The following DCDC1 variants were observed in gnomAD, a reference collection of about 807,000 sequenced individuals.
The protein encoded by DCDC1 is doublecortin domain-containing protein 1.
Under a neutral mutation model 178.3 loss-of-function variants are expected in DCDC1, and 200 were observed. The ratio of observed to expected loss-of-function variants is 1.12; its 90% CI spans 1.00 to 1.26. DCDC1 has a LOEUF of 1.26. Ranked by LOEUF, DCDC1 falls within the 50% of genes most tolerant of loss-of-function variation. The pLI is 0.00. For synonymous variants in DCDC1, 690 were observed against 604.8 expected (o/e 1.14, Z -2.07); for missense variants, 1,983 against 1,749.2 (o/e 1.13, Z -2.38).
chr11:31,343,242 C>T (rs1030405965), intron 1 of DCDC1, among the ~76,000 whole-genome samples: 6 of 152,136 alleles, frequency 3.9e-5, no homozygotes, highest in African/African-American at 9.7e-5. Context: ...CACTTGAGCC[C>T]AGGAGTTTCA....
chr11:31,321,363 C>T (rs1303907284), intron 3 of DCDC1, among the ~76,000 whole-genome samples: 7 of 136,714 alleles, frequency 5.1e-5, no homozygotes, highest in Non-Finnish European at 7.9e-5. Context: ...CGTGGTGCGC[C>T]GTTTCTTAAG....
intron 22 of DCDC1, among the ~76,000 whole-genome samples, chr11:30,926,455 A>G (rs972841383): frequency 2.5e-4 from 38 of 152,290 alleles, no homozygotes; most frequent in African/African-American, 8.2e-4. Flanking sequence ...AGAAAGGTGG[A>G]AAATGGGCTG....
chr11:31,012,449 A>G (rs1270514098), intron 20 of DCDC1, among the ~76,000 whole-genome samples: 2 of 151,800 alleles, frequency 1.3e-5, no homozygotes, highest in Admixed American at 1.3e-4. Flanking sequence ...AAATATATAT[A>G]TTTTTAATTA....
At chr11:31,047,337 G>GA (rs1374260956) in intron 20 of DCDC1, among the ~76,000 whole-genome samples, 2 of 150,304 alleles carry the variant, frequency 1.3e-5, no homozygotes, top group African/African-American at 2.4e-5. Context: ...TTGTTGAACA[G>GA]AAAAAAAAAT....
At chr11:31,098,216 T>G (rs1311743623) in intron 15 of DCDC1, among the ~76,000 whole-genome samples, 1 of 152,218 alleles carries the variant, frequency 6.6e-6, no homozygotes, top group African/African-American at 2.4e-5. Flanking sequence ...AATATCTCAT[T>G]TGATATTAAC....
chr11:31,275,430 T>C (rs193161104), intron 7 of DCDC1, among the ~76,000 whole-genome samples: 1 of 152,270 alleles, frequency 6.6e-6, no homozygotes, highest in African/African-American at 2.4e-5. Flanking sequence ...CTGATTTTGT[T>C]TAGGTATACA....
At chr11:30,930,169 TG>T (rs1459376926) in intron 22 of DCDC1, among the ~76,000 whole-genome samples, 2 of 152,122 alleles carry the variant, frequency 1.3e-5, no homozygotes, top group East Asian at 3.8e-4. Context: ...CTGGAAGATG[TG>T]TAACTTGTAT....
intron 21 of DCDC1, 62 bp downstream of exon 21, chr11:30,952,383 G>T (rs760063191): frequency 7.9e-5 from 110 of 1,391,872 alleles, no homozygotes; most frequent in Non-Finnish European, 1.0e-4. Flanking sequence ...TCAGGAATTT[G>T]ACCACACAAC....
Position 31,065,042 on chromosome 11 carries a change from G to C in DCDC1, c.2410C>G (p.His804Asp). The C allele has an allele frequency of 1.3e-6, 1 of 763,602 alleles. No homozygotes were observed. The highest frequency in any genetic ancestry group is 1.3e-5 in the South Asian group (1 of 74,164). 47.3% of individuals were successfully genotyped at this position (763,602 alleles called of 1,614,324 possible). ...ACCTCTTCTGCTAAGTTTCTGCCAT[G>C]TTCCTGATGAGCTGTGGTCCAGGCA... The part of the protein sequence containing the change: ...HGAWTTAHQE[H>D]GRNLAEEVLQ... Residue 804 changes from histidine to aspartate, a missense_variant, in exon 19 of 39, where the codon CAT (histidine) becomes GAT (aspartate). Transcript: ENST00000684477.
chr11:30,982,116 G>A (rs290074), intron 20 of DCDC1, among the ~76,000 whole-genome samples: 3,508 of 152,244 alleles, frequency 0.023, 148 homozygotes, highest in African/African-American at 0.081. Flanking sequence ...AGGTACACTA[G>A]AGGCAGCGCA....
At chr11:31,109,618 G>C (rs1370083194) in intron 12 of DCDC1, among the ~76,000 whole-genome samples, 1 of 152,134 alleles carries the variant, frequency 6.6e-6, no homozygotes, top group Admixed American at 6.5e-5. Context: ...GAACTGAAGG[G>C]AGAAAAAGGG....
chr11:31,101,774 T>C (rs1958515734), intron 15 of DCDC1, among the ~76,000 whole-genome samples: 1 of 74,540 alleles, frequency 1.3e-5, no homozygotes. Context: ...ATATAATTTA[T>C]AGTTTAAAAA....
chr11:31,033,080 G>A (rs1333790624), intron 20 of DCDC1, among the ~76,000 whole-genome samples: 1 of 152,112 alleles, frequency 6.6e-6, no homozygotes, highest in Non-Finnish European at 1.5e-5. Context: ...CTGTCTCCAG[G>A]GCACAAGTGG....
intron 9 of DCDC1, among the ~76,000 whole-genome samples, chr11:31,150,967 T>C (rs1565352214): frequency 6.6e-6 from 1 of 152,212 alleles, no homozygotes; most frequent in African/African-American, 2.4e-5. Flanking sequence ...CATTAAACTA[T>C]ATTTCCTGCT....
intron 9 of DCDC1, among the ~76,000 whole-genome samples, chr11:31,230,995 TG>T (rs1363377675): frequency 6.6e-6 from 1 of 152,148 alleles, no homozygotes. Context: ...GGTCTTGCTC[TG>T]TTGCCCAGGC....
chr11:31,117,299 C>A (rs1290644546), intron 11 of DCDC1, among the ~76,000 whole-genome samples: 3 of 151,778 alleles, frequency 2.0e-5, no homozygotes, highest in African/African-American at 7.3e-5. Flanking sequence ...TGGAAGCAGC[C>A]ACTATCCTGG....
chr11:31,139,947 T>C (rs1269636288), intron 9 of DCDC1, among the ~76,000 whole-genome samples: 6 of 152,226 alleles, frequency 3.9e-5, no homozygotes. Context: ...GGTCCTTTTC[T>C]AGAAATAGAC....
chr11:31,182,318 C>T (rs2136292584), intron 9 of DCDC1, among the ~76,000 whole-genome samples: 1 of 151,764 alleles, frequency 6.6e-6, no homozygotes, highest in Middle Eastern at 3.4e-3. Flanking sequence ...GAAATGAAGG[C>T]AGCCTGAGAG....
At chr11:30,882,842 AT>A in intron 36 of DCDC1, 1 of 152,346 alleles carries the variant, frequency 6.6e-6, no homozygotes, top group East Asian at 1.9e-4. Flanking sequence ...GCAGGAGTAC[AT>A]TTTCAAAAGT....
Sources: allele counts gnomAD v4.1 joint callset (sites outside exome capture counted in the v4.1 genomes callset), GRCh38; gene constraint gnomAD v4.1.1; transcripts MANE v1.5; gene names NCBI Gene and HGNC (gene_info 2026-07-23, HGNC 2026-07-21).